The following CMTM7 variants were observed in gnomAD, a reference collection of about 807,000 sequenced individuals.
The protein encoded by CMTM7 is CKLF-like MARVEL transmembrane domain-containing protein 7.
Under a neutral mutation model 19.3 loss-of-function variants are expected in CMTM7, and 7 were observed. The ratio of observed to expected loss-of-function variants is 0.36; its 90% confidence interval spans 0.21 to 0.68. CMTM7 has a LOEUF of 0.68. CMTM7 is among the 30% of genes least tolerant of loss of function. The pLI is 0.60. For missense variants in CMTM7, 193 were observed against 232.6 expected (o/e 0.83, Z 1.11); for synonymous variants, 87 against 99.3 (o/e 0.88, Z 0.74).
chr3:32,443,974 G>C (rs995446600), intron 2 of CMTM7, among the ~76,000 whole-genome samples: 2 of 152,126 alleles, frequency 1.3e-5, no homozygotes, highest in Non-Finnish European at 2.9e-5. Flanking sequence ...TCCCTTATCA[G>C]CTATATGACT....
chr3:32,402,215 G>T (rs1696020179), intron 1 of CMTM7, among the ~76,000 whole-genome samples: 1 of 151,918 alleles, frequency 6.6e-6, no homozygotes, highest in Non-Finnish European at 1.5e-5. Flanking sequence ...GGGTTAAAAT[G>T]ATTCTCCTAC....
In CMTM7 at chr3:32,449,855, T is replaced by G. The variant is rs991417470; in HGVS notation, c.432+303T>G. 1.3e-5 allele frequency among the ~76,000 whole-genome samples: 2 copies of G among 152,128 alleles called. No homozygotes were observed. The highest frequency in any genetic ancestry group is 4.8e-5 in the African/African-American group (2 of 41,434). ...TAATTCACACACCCACTCTGATCAT[T>G]TGCTCGTTGGCTGCCTCAGCACTAT... On this transcript the variant is annotated intron_variant, in intron 3 of 4. Coordinates refer to ENST00000334983, the MANE Select transcript of CMTM7 (RefSeq NM_138410.4). This position sits in a 1 kb window ranked among gnomAD's most constrained non-coding sequence, Gnocchi z 4.5.
chr3:32,404,152 C>CT (rs869206404), intron 1 of CMTM7, among the ~76,000 whole-genome samples: 2 of 132,026 alleles, frequency 1.5e-5, no homozygotes, highest in African/African-American at 5.9e-5. Flanking sequence ...CTTTTTTTTT[C>CT]TTTTTTTTTC....
At chr3:32,418,611 A>G (rs900871478) in intron 1 of CMTM7, among the ~76,000 whole-genome samples, 2 of 152,140 alleles carry the variant, frequency 1.3e-5, no homozygotes, top group Non-Finnish European at 2.9e-5. Flanking sequence ...TCGTTGTTTT[A>G]TATATGGATA....
intron 1 of CMTM7, among the ~76,000 whole-genome samples, chr3:32,431,177 T>G (rs1317033501): frequency 6.6e-6 from 1 of 152,140 alleles, no homozygotes; most frequent in Non-Finnish European, 1.5e-5. Context: ...AAATGTCTTT[T>G]TAAGAGGCAG....
intron 1 of CMTM7, among the ~76,000 whole-genome samples, chr3:32,401,579 C>T (rs1467904678): frequency 6.6e-6 from 1 of 152,264 alleles, no homozygotes; most frequent in Non-Finnish European, 1.5e-5. Context: ...GAAGGCCGCC[C>T]TTCTGTCTTC....
Position 32,454,541 on chromosome 3 carries a change from A to G in CMTM7, c.*287A>G. ...GCCTTCCTGCTTCTAGAACCACCTC[A>G]GGTACTGATGAACCCCACTTAGCAC... is the stretch of plus-strand genomic sequence containing the variant. On this transcript the variant is annotated 3_prime_UTR_variant, in exon 5 of 5. Coordinates refer to ENST00000334983, the MANE Select transcript of CMTM7 (RefSeq NM_138410.4). The G allele has an allele frequency of 1.5e-6, 1 of 652,082 alleles. No individual in the cohort carries two copies. The highest frequency in any genetic ancestry group is 2.8e-6 in the Non-Finnish European group (1 of 353,964). 40.4% of individuals were successfully genotyped at this position (652,082 alleles called of 1,614,324 possible).
chr3:32,431,758 A>T (rs772528323), intron 1 of CMTM7, among the ~76,000 whole-genome samples: 2 of 152,186 alleles, frequency 1.3e-5, no homozygotes, highest in Non-Finnish European at 2.9e-5. Context: ...TGAGCAAATT[A>T]CTTGACCTTG....
At chr3:32,448,802 G>A (rs1156722871) in intron 2 of CMTM7, among the ~76,000 whole-genome samples, 1 of 150,616 alleles carries the variant, frequency 6.6e-6, no homozygotes, top group Non-Finnish European at 1.5e-5. Context: ...AAAAAGGCAG[G>A]AAGGCTCAGG....
Position 32,428,560 on chromosome 3 carries a change from C to G in CMTM7, c.160-13280C>G, listed in dbSNP as rs547026704. Among the ~76,000 whole-genome samples, 158 of 152,294 alleles carry G rather than the reference C, an allele frequency of 1.0e-3. 1 individual carries two copies. Among genetic ancestry groups the G allele is most frequent in the African/African-American group, 3.4e-3 (142 of 41,560 alleles). On this transcript the variant is annotated intron_variant, in intron 1 of 4. Transcript: ENST00000334983. ...AAGCTGAGGTGTTGTGGGGCGGCTT[C>G]CCTGTTGGGGGCTAAGCCGGCCTGG...
chr3:32,442,794 T>C (rs1306218963), intron 2 of CMTM7, among the ~76,000 whole-genome samples: 1 of 152,210 alleles, frequency 6.6e-6, no homozygotes, highest in Non-Finnish European at 1.5e-5. Context: ...GCCGTATTGT[T>C]CACCCATTTC....
chr3:32,446,502 T>C (rs1236584125), intron 2 of CMTM7, among the ~76,000 whole-genome samples: 1 of 152,168 alleles, frequency 6.6e-6, no homozygotes, highest in Non-Finnish European at 1.5e-5. Flanking sequence ...GCTTTAATCT[T>C]TATTTTTTTT....
At chr3:32,452,212 C>T in intron 3 of CMTM7, 180 bp from the exon 4 acceptor site, 1 of 1,505,296 alleles carries the variant, frequency 6.6e-7, no homozygotes, top group Non-Finnish European at 8.9e-7. Context: ...AGTGGCTGGG[C>T]CTCGCGGGGC....
At chr3:32,452,186 C>G in intron 3 of CMTM7, 3 of 1,508,896 alleles carry the variant, frequency 2.0e-6, no homozygotes, top group South Asian at 2.4e-5. Flanking sequence ...CTGGCCCAAC[C>G]TGGAGGACTG....
At chr3:32,401,581 T>C (rs1170536943) in intron 1 of CMTM7, among the ~76,000 whole-genome samples, 1 of 152,248 alleles carries the variant, frequency 6.6e-6, no homozygotes, top group Non-Finnish European at 1.5e-5. Flanking sequence ...AGGCCGCCCT[T>C]CTGTCTTCCT....
intron 1 of CMTM7, among the ~76,000 whole-genome samples, chr3:32,420,708 T>C (rs1305382502): frequency 2.6e-5 from 4 of 152,164 alleles, no homozygotes; most frequent in Non-Finnish European, 5.9e-5. Context: ...AGCTGGCTTT[T>C]TGTTCCCTAA....
At chr3:32,441,130 A>G (rs1245832839) in intron 1 of CMTM7, among the ~76,000 whole-genome samples, 2 of 152,186 alleles carry the variant, frequency 1.3e-5, no homozygotes, top group Non-Finnish European at 2.9e-5. Context: ...ATCAGAGCTT[A>G]CACTTTTGGG....
At position 32,409,838 on chromosome 3, in the gene CMTM7, T is replaced by C. The variant is rs188198692; in HGVS notation, c.159+17773T>C. ...AAGTCCCTTTTGCAAATGTCTTATCTGAAGTTAATAGTTAGTAGTTCAAGT... is the reference window on the plus strand; with the variant it reads ...AAGTCCCTTTTGCAAATGTCTTATCCGAAGTTAATAGTTAGTAGTTCAAGT... On this transcript the variant is annotated intron_variant, in intron 1 of 4. Transcript: ENST00000334983. Among the ~76,000 whole-genome samples the C allele has an allele frequency of 5.7e-3, 868 of 152,312 alleles. 12 individuals are homozygous for C. The highest frequency in any genetic ancestry group is 0.02 in the African/African-American group (812 of 41,570).
chr3:32,404,648 T>C (rs1318378341), intron 1 of CMTM7, among the ~76,000 whole-genome samples: 5 of 152,348 alleles, frequency 3.3e-5, no homozygotes, highest in African/African-American at 1.2e-4. Context: ...TATCTCTCCA[T>C]GTATGGAAAG....
Sources: gnomAD v4.1 joint callset for allele counts (sites outside exome capture counted in the v4.1 genomes callset) on GRCh38, gnomAD v4.1.1 for gene constraint, Gnocchi (gnomAD v3.1) non-coding constraint, MANE v1.5 for transcripts, NCBI Gene and HGNC (gene_info 2026-07-23, HGNC 2026-07-21) for gene names.